The following CNTLN variants were observed in gnomAD, a reference collection of about 807,000 sequenced individuals.
CNTLN encodes centlein, centrosomal protein.
A neutral mutation model predicts 180.0 loss-of-function variants in CNTLN; 212 were observed. The observed-to-expected ratio is 1.18, with a 90% confidence interval of 1.05 to 1.32. The LOEUF (loss-of-function observed/expected upper bound fraction) is 1.32. Ranked by LOEUF, CNTLN falls within the 40% of genes most tolerant of loss-of-function variation. The pLI is 0.00. For synonymous variants in CNTLN, 722 were observed against 563.1 expected, an observed-to-expected ratio of 1.28 and a Z score of -3.99; for missense variants, 2,095 against 1,610.9, an observed-to-expected ratio of 1.30 and a Z score of -5.14.
At chr9:17,199,151 A>G (rs7028249) in intron 2 of CNTLN, among the ~76,000 whole-genome samples, 49,850 of 150,872 alleles carry the variant, frequency 0.33, 10,689 homozygotes, top group African/African-American at 0.61. Flanking sequence ...CACCAACAGT[A>G]TAAAAGCATT....
At chr9:17,252,027 C>T (rs537750289) in intron 5 of CNTLN, among the ~76,000 whole-genome samples, 1 of 151,844 alleles carries the variant, frequency 6.6e-6, no homozygotes, top group African/African-American at 2.4e-5. Context: ...TTGTAATGAC[C>T]TTCAGTTCCA....
chr9:17,510,051 G>A, the CNTLN span, among the ~76,000 whole-genome samples: 2 of 152,116 alleles, frequency 1.3e-5, no homozygotes, highest in Non-Finnish European at 2.9e-5. Flanking sequence ...GAATACAGGT[G>A]ATCCTTTACG....
chr9:17,222,933 A>G (rs1359899695), intron 2 of CNTLN, among the ~76,000 whole-genome samples: 5 of 151,694 alleles, frequency 3.3e-5, no homozygotes, highest in African/African-American at 1.2e-4. Flanking sequence ...ATGCAAAATC[A>G]CTCCCTAGGT....
intron 7 of CNTLN, among the ~76,000 whole-genome samples, chr9:17,307,645 A>T (rs1265702904): frequency 6.6e-6 from 1 of 151,940 alleles, no homozygotes; most frequent in Non-Finnish European, 1.5e-5. Flanking sequence ...GGAACTTTGG[A>T]GGGTCTTATT....
chr9:17,377,758 G>C (rs562009115), intron 13 of CNTLN, among the ~76,000 whole-genome samples: 1 of 152,240 alleles, frequency 6.6e-6, no homozygotes, highest in Admixed American at 6.5e-5. Context: ...TTGCTGTGAG[G>C]ATGTGTTACA....
intron 5 of CNTLN, among the ~76,000 whole-genome samples, chr9:17,242,788 G>T (rs1007164060): frequency 2.0e-5 from 3 of 152,174 alleles, no homozygotes; most frequent in Admixed American, 6.5e-5. Flanking sequence ...TGTTCATCAG[G>T]AATATTGGCC....
At chr9:17,489,443 C>G (rs1018508546) in intron 25 of CNTLN, among the ~76,000 whole-genome samples, 1 of 151,990 alleles carries the variant, frequency 6.6e-6, no homozygotes, top group Non-Finnish European at 1.5e-5. Flanking sequence ...TGGAAAACCT[C>G]TCTTTTATGT....
chr9:17,286,560 T>G lies in CNTLN; in HGVS notation c.984-11630T>G, dbSNP rs1165970114. ...CTGTGAGGAAAGTCATTGGTAGCTTTATGGGGATGGCATTGAATCTATAAA... is the reference window on the plus strand; with the variant it reads ...CTGTGAGGAAAGTCATTGGTAGCTTGATGGGGATGGCATTGAATCTATAAA... On this transcript the variant is annotated intron_variant, in intron 6 of 25. Transcript: ENST00000380647. Among the ~76,000 whole-genome samples, 116 of 139,062 alleles carry G rather than the reference T, an allele frequency of 8.3e-4. 1 individual carries two copies. In the Middle Eastern group the frequency reaches 0.022, roughly 26 times the overall value. The allele number at this position is 139,062 out of a possible 152,430, so 91.2% of individuals were successfully genotyped here.
chr9:17,170,808 A>G (rs114715742), intron 2 of CNTLN, among the ~76,000 whole-genome samples: 2,895 of 152,032 alleles, frequency 0.019, 57 homozygotes, highest in African/African-American at 0.05. Flanking sequence ...TCAATGATGG[A>G]CTATATATCT....
downstream of CNTLN, among the ~76,000 whole-genome samples, chr9:17,506,672 A>T (rs930087369): frequency 2.0e-5 from 3 of 152,146 alleles, no homozygotes; most frequent in Non-Finnish European, 4.4e-5. Flanking sequence ...AGTGAAAATT[A>T]CTATAATAAA....
downstream of CNTLN, among the ~76,000 whole-genome samples, chr9:17,508,136 G>A (rs1427863307): frequency 1.3e-5 from 2 of 152,132 alleles, no homozygotes; most frequent in Non-Finnish European, 2.9e-5. Context: ...CTTCCTTAGT[G>A]CACTAACCGT....
At chr9:17,507,727 T>G (rs2093510902), downstream of CNTLN, among the ~76,000 whole-genome samples, 2 of 152,226 alleles carry the variant, frequency 1.3e-5, no homozygotes, top group Non-Finnish European at 2.9e-5. Flanking sequence ...TTTTAATTTT[T>G]AAATACACAG....
intron 12 of CNTLN, among the ~76,000 whole-genome samples, chr9:17,364,601 A>G (rs909968146): frequency 6.6e-6 from 1 of 152,040 alleles, no homozygotes; most frequent in African/African-American, 2.4e-5. Context: ...TCTCTATTTT[A>G]TTGTTTTACA....
chr9:17,418,269 A>G (rs1828419812), intron 18 of CNTLN, among the ~76,000 whole-genome samples: 1 of 152,040 alleles, frequency 6.6e-6, no homozygotes, highest in African/African-American at 2.4e-5. Context: ...CTAGTGATTA[A>G]CTAGAATTAG....
chr9:17,411,735 C>T (rs1478460634), intron 16 of CNTLN, among the ~76,000 whole-genome samples: 1 of 152,118 alleles, frequency 6.6e-6, no homozygotes, highest in Non-Finnish European at 1.5e-5. Flanking sequence ...AATCTAATGC[C>T]TGATGATCTG....
intron 2 of CNTLN, among the ~76,000 whole-genome samples, chr9:17,191,575 T>C (rs990373580): frequency 4.6e-5 from 7 of 152,216 alleles, no homozygotes; most frequent in South Asian, 2.1e-4. Flanking sequence ...TATTTTGGAA[T>C]AGAGAATCTT....
At chr9:17,467,028 A>G (rs924068066) in intron 23 of CNTLN, 137 bp downstream of exon 23, 4 of 504,456 alleles carry the variant, frequency 7.9e-6, no homozygotes, top group Middle Eastern at 5.0e-4. Context: ...CCTATTTATC[A>G]CATTGCTAAT....
chr9:17,394,684 G>A lies in CNTLN; in HGVS notation c.2230G>A (p.Glu744Lys). 5 of 1,613,712 alleles carry A rather than the reference G, an allele frequency of 3.1e-6. No homozygotes were observed. The highest frequency in any genetic ancestry group is 1.3e-5 in the African/African-American group (1 of 74,974). ...EDTETREKELEQIIKGSKDVE... is the reference protein window; with the variant it reads ...EDTETREKELKQIIKGSKDVE... ...TACAGAGACCAGAGAAAAAGAGCTA[G>A]AACAGATAATAAAGGGGAGTAAAGA... The change falls in exon 15 of 26, where the codon GAA becomes AAA. Residue 744 changes from glutamate to lysine, a missense_variant. Coordinates refer to ENST00000380647, the MANE Select transcript of CNTLN (RefSeq NM_017738.4).
At chr9:17,253,805 A>G (rs1826302418) in intron 5 of CNTLN, among the ~76,000 whole-genome samples, 1 of 148,194 alleles carries the variant, frequency 6.7e-6, no homozygotes, top group Non-Finnish European at 1.5e-5. Flanking sequence ...TGGGACTTCC[A>G]GTACTGTGTT....
Sources: gnomAD v4.1 joint callset for allele counts (sites outside exome capture counted in the v4.1 genomes callset) on GRCh38, gnomAD v4.1.1 for gene constraint, MANE v1.5 for transcripts, NCBI Gene and HGNC (gene_info 2026-07-23, HGNC 2026-07-21) for gene names.